Variants in RIMKLA observed in about 807,000 individuals in gnomAD.
The protein encoded by RIMKLA is N-acetylaspartylglutamate synthase A.
A neutral mutation model predicts 32.7 loss-of-function variants in RIMKLA; 14 were observed. That is an observed-to-expected ratio of 0.43 (90% CI 0.28 to 0.67). The LOEUF is 0.67. RIMKLA is among the 30% of genes least tolerant of loss of function. The pLI, the probability that RIMKLA is intolerant of heterozygous loss-of-function variation, is 0.18. For synonymous variants in RIMKLA, 176 were observed against 204.1 expected, an observed-to-expected ratio of 0.86 and a Z score of 1.18; for missense variants, 410 against 519.0, an observed-to-expected ratio of 0.79 and a Z score of 2.04.
At chr1:42,402,868 A>T (rs1643112562) in intron 2 of RIMKLA, among the ~76,000 whole-genome samples, 1 of 152,154 alleles carries the variant, frequency 6.6e-6, no homozygotes, top group Admixed American at 6.5e-5. Context: ...CTGGGATTCC[A>T]GGCATGAGCC....
chr1:42,397,010 A>G (rs567325243), intron 1 of RIMKLA, among the ~76,000 whole-genome samples: 61 of 146,364 alleles, frequency 4.2e-4, no homozygotes, highest in South Asian at 1.5e-3. Flanking sequence ...TTCAAAGAAC[A>G]GTAAAAGCAT....
chr1:42,401,276 G>A (rs56389538), intron 2 of RIMKLA, among the ~76,000 whole-genome samples: 6,785 of 152,198 alleles, frequency 0.045, 460 homozygotes, highest in African/African-American at 0.15. Context: ...TGTGCCGCCC[G>A]GTTCCTAACA....
rs1298466176 is a variant in RIMKLA at position 42,421,483 on chromosome 1, T to TA, written c.*6512dup. 6.6e-6 allele frequency: 1 copy of TA among 152,154 alleles called. No individual in the cohort carries two copies. The allele number at this position is 152,154 out of a possible 1,614,324, so 9.4% of individuals were successfully genotyped here. A position where few individuals can be genotyped will look rare whatever the true frequency, so the allele number is the denominator to read the frequency against. On this transcript the variant is annotated 3_prime_UTR_variant, in exon 5 of 5. Coordinates refer to ENST00000431473, the MANE Select transcript of RIMKLA (RefSeq NM_173642.4). The surrounding 1 kb of genome is among the most constrained non-coding windows in gnomAD (Gnocchi z 4.6). ...CCTGAGATCAGATGGAACTAACCAA[T>TA]AAAGCTGCTAAAATTCTGCTGTCCT...
At chr1:42,408,291 G>A (rs1367954801) in intron 3 of RIMKLA, among the ~76,000 whole-genome samples, 2 of 152,296 alleles carry the variant, frequency 1.3e-5, no homozygotes, top group East Asian at 3.9e-4. Flanking sequence ...TTCAGATCAC[G>A]TGGCTGAACT....
chr1:42,420,121 G>T lies in RIMKLA; in HGVS notation c.*5147G>T, dbSNP rs1350463954. 6.6e-6 allele frequency: 1 copy of T among 152,176 alleles called. No homozygotes were observed. Among genetic ancestry groups the T allele is most frequent in the African/African-American group, 2.4e-5 (1 of 41,446 alleles). 9.4% of individuals were successfully genotyped at this position (152,176 alleles called of 1,614,324 possible). On this transcript the variant is annotated 3_prime_UTR_variant, in exon 5 of 5. Transcript: ENST00000431473. ...AGGGCTCCTTGCCTCTTGACATCCA[G>T]AGAGGTCTGATAACTGGGCTCTGTT...
At chr1:42,396,149 T>A (rs1643043730) in intron 1 of RIMKLA, among the ~76,000 whole-genome samples, 1 of 137,110 alleles carries the variant, frequency 7.3e-6, no homozygotes, top group South Asian at 2.3e-4. Flanking sequence ...GGCAGGAGAA[T>A]CACTTGAACC....
chr1:42,404,191 A>T (rs1275186232), intron 2 of RIMKLA, among the ~76,000 whole-genome samples: 3 of 152,188 alleles, frequency 2.0e-5, no homozygotes, highest in Non-Finnish European at 4.4e-5. Flanking sequence ...AGGAGCTTAC[A>T]CCAGGGGGCA....
chr1:42,398,933 C>T (rs1011733875), intron 1 of RIMKLA, among the ~76,000 whole-genome samples: 7 of 139,068 alleles, frequency 5.0e-5, no homozygotes, highest in African/African-American at 1.9e-4. Context: ...TGCCACTGCA[C>T]TCTAACCTGG....
rs963803946 is a variant in RIMKLA at position 42,416,587 on chromosome 1, A to C, written c.*1613A>C. ...AGACCCTTACAAGTTGACAGTTTCT[A>C]AAGAGGGTTCTAGGAATGTTCTGTG... On this transcript the variant is annotated 3_prime_UTR_variant, in exon 5 of 5. Transcript: ENST00000431473. The C allele has an allele frequency of 6.6e-6, 1 of 152,242 alleles. No individual in the cohort carries two copies. The highest frequency in any genetic ancestry group is 6.5e-5 in the Admixed American group (1 of 15,286). 9.4% of individuals were successfully genotyped at this position (152,242 alleles called of 1,614,324 possible). A position where few individuals can be genotyped will look rare whatever the true frequency, so the allele number is the denominator to read the frequency against.
In RIMKLA at chr1:42,407,031, A is replaced by G. The variant is rs570410780; in HGVS notation, c.481+2434A>G. ...AACGATCCTCCTGCCTCAGCCTCCC[A>G]AGTAGCTGGGACTATAGGCATGCGC... On this transcript the variant is annotated intron_variant, in intron 3 of 4. Coordinates refer to ENST00000431473, the MANE Select transcript of RIMKLA (RefSeq NM_173642.4). Among the ~76,000 whole-genome samples, 188 of 151,716 alleles carry G rather than the reference A, an allele frequency of 1.2e-3. 1 individual carries two copies. Among genetic ancestry groups the G allele is most frequent in the Non-Finnish European group, 2.1e-3 (143 of 67,926 alleles).
chr1:42,385,846 CTTT>C (rs1642937814), intron 1 of RIMKLA, among the ~76,000 whole-genome samples: 2 of 10,804 alleles, frequency 1.9e-4, no homozygotes, highest in Non-Finnish European at 6.8e-4. Flanking sequence ...CTTTCTTTCT[CTTT>C]CTTTCTTTCT....
intron 1 of RIMKLA, among the ~76,000 whole-genome samples, chr1:42,385,842 T>TCTCTCTCTCTC (rs1557749905): frequency 1.6e-5 from 1 of 63,500 alleles, no homozygotes; most frequent in Non-Finnish European, 3.3e-5. Flanking sequence ...CTTTCTTTCT[T>TCTCTCTCTCTC]TCTCTTTCTT....
chr1:42,401,644 A>C (rs1021025805), intron 2 of RIMKLA, among the ~76,000 whole-genome samples: 8 of 152,126 alleles, frequency 5.3e-5, no homozygotes, highest in African/African-American at 1.9e-4. Context: ...AGCAAAAGGG[A>C]GTTTAATGAA....
At chr1:42,399,924 A>G (rs1247614617) in intron 2 of RIMKLA, among the ~76,000 whole-genome samples, 1 of 152,228 alleles carries the variant, frequency 6.6e-6, no homozygotes, top group Non-Finnish European at 1.5e-5. Context: ...CCAGTTCATC[A>G]GAGGCAGAGG....
At position 42,422,147 on chromosome 1, in the gene RIMKLA, A is replaced by C. The variant is rs369786924; in HGVS notation, c.*7173A>C. On this transcript the variant is annotated 3_prime_UTR_variant, in exon 5 of 5. Coordinates refer to ENST00000431473, the MANE Select transcript of RIMKLA (RefSeq NM_173642.4). ...ATACACGTGAGCACTGAAACATCTT[A>C]GTTCCAGGGAGGTAGCATTTGTGTT... 6 of 152,386 alleles carry C rather than the reference A, an allele frequency of 3.9e-5. No homozygotes were observed. Among genetic ancestry groups the C allele is most frequent in the Admixed American group, 2.0e-4 (3 of 15,308 alleles). The allele number at this position is 152,386 out of a possible 1,614,324, so 9.4% of individuals were successfully genotyped here.
In RIMKLA at chr1:42,416,148, TAGATG is replaced by T. The variant is rs372396698; in HGVS notation, c.*1179_*1183del. The T allele has an allele frequency of 4.4e-4, 66 of 148,550 alleles. No homozygotes were observed. Among genetic ancestry groups the T allele is most frequent in the African/African-American group, 1.5e-3 (63 of 41,182 alleles). The allele number at this position is 148,550 out of a possible 1,614,324, so 9.2% of individuals were successfully genotyped here. A position where few individuals can be genotyped will look rare whatever the true frequency, so the allele number is the denominator to read the frequency against. On this transcript the variant is annotated 3_prime_UTR_variant, in exon 5 of 5. Transcript: ENST00000431473. ...CTTTTCATTTTAATTCTCTAAGCAG[TAGATG>T]AGATCTTTCCCTTGGGAGAAATCAC...
intron 3 of RIMKLA, among the ~76,000 whole-genome samples, chr1:42,407,890 T>G (rs1643161164): frequency 6.6e-6 from 1 of 152,184 alleles, no homozygotes; most frequent in South Asian, 2.1e-4. Flanking sequence ...TCTCCTTTTT[T>G]CCTTCTTGCC....
intron 1 of RIMKLA, among the ~76,000 whole-genome samples, chr1:42,385,808 T>TTCCTTCCTTCCTTCCTTCC (rs1642934309): frequency 4.0e-5 from 3 of 75,888 alleles, no homozygotes; most frequent in Admixed American, 1.3e-4. Context: ...TCTCTCTCTC[T>TTCCTTCCTTCCTTCCTTCC]TTCCTTCCTT....
chr1:42,399,658 C>T (rs1397345675), intron 2 of RIMKLA, 24 bp downstream of exon 2: 4 of 1,403,584 alleles, frequency 2.8e-6, no homozygotes, highest in Non-Finnish European at 4.0e-6. Context: ...AAATAGCTTC[C>T]CAAATCATGT....
Sources: gnomAD v4.1 joint callset for allele counts (sites outside exome capture counted in the v4.1 genomes callset) on GRCh38, gnomAD v4.1.1 for gene constraint, Gnocchi (gnomAD v3.1) non-coding constraint, MANE v1.5 for transcripts, NCBI Gene and HGNC (gene_info 2026-07-23, HGNC 2026-07-21) for gene names.